The following KANSL2 variants were observed in gnomAD, a reference collection of about 807,000 sequenced individuals.
KANSL2 encodes KAT8 regulatory NSL complex subunit 2.
A neutral mutation model predicts 55.6 loss-of-function variants in KANSL2; 34 were observed. That is an observed-to-expected ratio of 0.61 (90% CI 0.46 to 0.81). The LOEUF (loss-of-function observed/expected upper bound fraction) is 0.81, where lower values mean the gene tolerates loss of function less well. Ranked by LOEUF, KANSL2 falls within the 40% of genes least tolerant of loss-of-function variation. The pLI is 0.00. For missense variants in KANSL2, 502 were observed against 609.9 expected (o/e 0.82, Z 1.86); for synonymous variants, 209 against 214.3 (o/e 0.98, Z 0.22).
At chr12:48,667,392 G>A (rs1440816853) in intron 7 of KANSL2, 2 of 375,032 alleles carry the variant, frequency 5.3e-6, no homozygotes, top group South Asian at 2.5e-5. Flanking sequence ...AATATTTTAT[G>A]TATATTTTGG....
At chr12:48,668,655 C>T (rs577910946) in intron 6 of KANSL2, among the ~76,000 whole-genome samples, 7 of 152,190 alleles carry the variant, frequency 4.6e-5, no homozygotes, top group African/African-American at 9.6e-5. Flanking sequence ...GCCAAGACGG[C>T]GCCATTGCAC....
chr12:48,669,385 C>T, intron 5 of KANSL2, 113 bp from the exon 6 acceptor site: 1 of 725,578 alleles, frequency 1.4e-6, no homozygotes, highest in East Asian at 2.8e-5. Flanking sequence ...GTTTCAAAAG[C>T]AAATGACCCC....
intron 6 of KANSL2, among the ~76,000 whole-genome samples, chr12:48,668,316 C>T (rs1033794131): frequency 6.6e-6 from 1 of 152,212 alleles, no homozygotes; most frequent in South Asian, 2.1e-4. Context: ...CTTTTCCCAA[C>T]TACTCAATAT....
rs1705261015 is a variant in KANSL2 at position 48,672,731 on chromosome 12, T to A, written c.546-769A>T. On this transcript the variant is annotated intron_variant, in intron 4 of 9. Transcript: ENST00000420613. ...ATAAGCTACTGCACCTGGCAATATA[T>A]TTTAATTAAAGCACTAAAGATACCA... is the stretch of plus-strand genomic sequence containing the variant. Among the ~76,000 whole-genome samples the A allele has an allele frequency of 2.6e-5, 4 of 151,840 alleles. No individual in the cohort carries two copies. The South Asian group carries it at 8.3e-4, about 32-fold the overall frequency.
chr12:48,660,245 GTA>G lies in KANSL2; in HGVS notation c.1227+119_1227+120del. ...TGCTAACATATAAATACAACTATACGTATATATCACTTCAAAAACTTTGTCGA... is the reference window on the plus strand; with the variant it reads ...TGCTAACATATAAATACAACTATACGTATATCACTTCAAAAACTTTGTCGA... On this transcript the variant is annotated intron_variant, in intron 8 of 9. Transcript: ENST00000420613. 14 of 903,010 alleles carry G rather than the reference GTA, an allele frequency of 1.6e-5. No individual in the cohort carries two copies. The South Asian group carries it at 2.1e-4, about 13-fold the overall frequency. The allele number at this position is 903,010 out of a possible 1,614,324, so 55.9% of individuals were successfully genotyped here. A position where few individuals can be genotyped will look rare whatever the true frequency, so the allele number is the denominator to read the frequency against.
At chr12:48,677,220 G>C (rs1239836458) in intron 4 of KANSL2, among the ~76,000 whole-genome samples, 1 of 152,098 alleles carries the variant, frequency 6.6e-6, no homozygotes, top group East Asian at 1.9e-4. Flanking sequence ...TTTCCTCTAG[G>C]AGAGAGTGAC....
At chr12:48,660,334 G>A in intron 8 of KANSL2, 32 bp downstream of exon 8, 2 of 1,610,874 alleles carry the variant, frequency 1.2e-6, no homozygotes, top group Admixed American at 1.7e-5. Flanking sequence ...TGTCTCAAGG[G>A]CCTGAACCAA....
chr12:48,681,810 C>T, intron 1 of KANSL2, 169 bp from the exon 2 acceptor site: 1 of 815,666 alleles, frequency 1.2e-6, no homozygotes, highest in Non-Finnish European at 2.1e-6. Flanking sequence ...TGTGGCTTTG[C>T]CTCCCTTTAG....
chr12:48,669,277 A>T lies in KANSL2; in HGVS notation c.710-5T>A, dbSNP rs774397388. The T allele has an allele frequency of 2.7e-5, 42 of 1,538,142 alleles. No homozygotes were observed. Among genetic ancestry groups the T allele is most frequent in the Non-Finnish European group, 3.7e-5 (42 of 1,141,628 alleles). On this transcript the variant is annotated splice_region_variant and splice_polypyrimidine_tract_variant and intron_variant, in intron 5 of 9. Coordinates refer to ENST00000420613, the MANE Select transcript of KANSL2 (RefSeq NM_017822.4). ...GGCCAGTCAGGAGACTACTGCCTAGAGTTACAAGAGTCAAGATGTTATTTG... is the reference window on the plus strand; with the variant it reads ...GGCCAGTCAGGAGACTACTGCCTAGTGTTACAAGAGTCAAGATGTTATTTG...
chr12:48,678,997 A>G (rs1162560700), intron 4 of KANSL2, 39 bp downstream of exon 4: 1 of 1,394,934 alleles, frequency 7.2e-7, no homozygotes, highest in Non-Finnish European at 1.0e-6. Flanking sequence ...TCCACATACT[A>G]ACTACATTTC....
At chr12:48,657,761 C>A (rs150410553) in intron 8 of KANSL2, among the ~76,000 whole-genome samples, 1 of 152,092 alleles carries the variant, frequency 6.6e-6, no homozygotes, top group South Asian at 2.1e-4. Flanking sequence ...GGATTACAGG[C>A]GCGTGCCACC....
At position 48,660,346 on chromosome 12, in the gene KANSL2, G is replaced by C; in HGVS notation, c.1227+20C>G. 1.9e-6 allele frequency: 3 copies of C among 1,612,900 alleles called. No individual in the cohort carries two copies. The highest frequency in any genetic ancestry group is 2.2e-5 in the South Asian group (2 of 91,050). On this transcript the variant is annotated intron_variant, in intron 8 of 9. Coordinates refer to ENST00000420613, the MANE Select transcript of KANSL2 (RefSeq NM_017822.4). ...CTTTGTCTCAAGGGCCTGAACCAAA[G>C]CAGAGCTTCTCTAACTTACATCACT...
rs777161642 is a variant in KANSL2 at position 48,660,449 on chromosome 12, C to A, written c.1144G>T (p.Asp382Tyr). The A allele has an allele frequency of 1.9e-6, 3 of 1,613,930 alleles. No homozygotes were observed. The highest frequency in any genetic ancestry group is 2.5e-6 in the Non-Finnish European group (3 of 1,179,878). Reference protein sequence around the residue: ...KPEQVLSVPDDLEAGPMDLYL... With the variant: ...KPEQVLSVPDYLEAGPMDLYL... ...AGATCCATGGGGCCGGCTTCCAGAT[C>A]GTCTGGCACAGACAGTACCTGCTCG... The change falls in exon 8 of 10, where the codon GAT (aspartate) becomes TAT (tyrosine). Residue 382 changes from aspartate to tyrosine, a missense_variant. By Grantham distance (160) the Asp-to-Tyr change is radical (BLOSUM62 -3). Transcript: ENST00000420613.
In KANSL2 at chr12:48,660,535, C is replaced by T; in HGVS notation, c.1058G>A (p.Ser353Asn). 1 of 1,613,524 alleles carries T rather than the reference C, an allele frequency of 6.2e-7. No individual in the cohort carries two copies. Among genetic ancestry groups the T allele is most frequent in the South Asian group, 1.1e-5 (1 of 90,960 alleles). ...EVPCNKPVPVSLSEDPCCPLH... is the reference protein window; with the variant it reads ...EVPCNKPVPVNLSEDPCCPLH... ...TGGGCAGCAGGGATCCTCAGAGAGG[C>T]TTACAGGAACAGGTTTGTTGCAGGG... The change falls in exon 8 of 10, where the codon AGC becomes AAC. Residue 353 changes from serine (S) to asparagine (N), a missense_variant. Physicochemically the swap from Ser to Asn is conservative, Grantham distance 46. Transcript: ENST00000420613.
intron 4 of KANSL2, among the ~76,000 whole-genome samples, chr12:48,677,907 G>A (rs973382115): frequency 2.0e-5 from 3 of 150,296 alleles, no homozygotes; most frequent in African/African-American, 4.9e-5. Flanking sequence ...TTCTAAACTA[G>A]TACTTCCTGA....
At chr12:48,677,784 C>CAAAAAAAAA (rs56147873) in intron 4 of KANSL2, among the ~76,000 whole-genome samples, 1 of 47,668 alleles carries the variant, frequency 2.1e-5, no homozygotes, top group African/African-American at 8.7e-5. Flanking sequence ...GACTCCATCT[C>CAAAAAAAAA]AAAAAAAAAA....
At chr12:48,672,421 A>G (rs1243353630) in intron 4 of KANSL2, among the ~76,000 whole-genome samples, 3 of 113,066 alleles carry the variant, frequency 2.7e-5, no homozygotes, top group East Asian at 2.2e-4. Context: ...ATATATATAT[A>G]TATATATATA....
At chr12:48,670,331 A>G (rs1313092922) in intron 5 of KANSL2, among the ~76,000 whole-genome samples, 6 of 152,144 alleles carry the variant, frequency 3.9e-5, no homozygotes, top group African/African-American at 9.7e-5. Context: ...TTATTAAAAA[A>G]AAAAAGTTAA....
chr12:48,677,827 TTTAA>T (rs954530029), intron 4 of KANSL2, among the ~76,000 whole-genome samples: 2 of 149,358 alleles, frequency 1.3e-5, no homozygotes, highest in Admixed American at 1.3e-4. Flanking sequence ...AATATGTTGG[TTTAA>T]GTTACTATTT....
Sources: gnomAD v4.1 joint callset for allele counts (sites outside exome capture counted in the v4.1 genomes callset) on GRCh38, gnomAD v4.1.1 for gene constraint, MANE v1.5 for transcripts, NCBI Gene and HGNC (gene_info 2026-07-23, HGNC 2026-07-21) for gene names.